The following SORCS1 variants were observed in gnomAD, a reference collection of about 807,000 sequenced individuals.
The protein encoded by SORCS1 is sortilin related VPS10 domain containing receptor 1, also known as VPS10 domain-containing receptor SorCS1.
In SORCS1, 60 loss-of-function variants were observed where a neutral mutation model predicts 146.1. That is an observed-to-expected ratio of 0.41 (90% CI 0.33 to 0.51). The LOEUF is 0.51. Ranked by LOEUF, SORCS1 falls within the 20% of genes least tolerant of loss-of-function variation. The pLI, the probability that SORCS1 is intolerant of heterozygous loss-of-function variation, is 0.21. For missense variants in SORCS1, 1,352 were observed against 1,487.6 expected (o/e 0.91, Z 1.50); for synonymous variants, 637 against 584.0 (o/e 1.09, Z -1.31).
chr10:107,157,285 G>GT (rs1350421855), intron 1 of SORCS1, among the ~76,000 whole-genome samples: 2 of 152,172 alleles, frequency 1.3e-5, no homozygotes, highest in East Asian at 3.9e-4. Flanking sequence ...GGGTGCAGCT[G>GT]TGTTCTAACT....
At chr10:107,125,521 C>G (rs1454801117) in intron 1 of SORCS1, among the ~76,000 whole-genome samples, 2 of 152,128 alleles carry the variant, frequency 1.3e-5, no homozygotes, top group Admixed American at 6.6e-5. Context: ...TTAGTGGTGG[C>G]TATACAATTT....
At chr10:106,709,443 A>T (rs903645492) in intron 6 of SORCS1, 102 bp from the exon 7 acceptor site, 49 of 234,156 alleles carry the variant, frequency 2.1e-4, no homozygotes, top group Middle Eastern at 1.3e-3. Context: ...ACCATTTCCA[A>T]TTTTTTTTTT....
At chr10:106,704,814 A>G (rs1854399858) in intron 8 of SORCS1, among the ~76,000 whole-genome samples, 1 of 152,214 alleles carries the variant, frequency 6.6e-6, no homozygotes, top group Non-Finnish European at 1.5e-5. Flanking sequence ...ATGTCATTAC[A>G]TTGAGGATAA....
intron 1 of SORCS1, among the ~76,000 whole-genome samples, chr10:107,081,886 G>A (rs1010047640): frequency 2.0e-5 from 3 of 152,036 alleles, no homozygotes; most frequent in African/African-American, 7.2e-5. Flanking sequence ...ATGAACTAGC[G>A]GGAAAGTGCT....
chr10:106,970,334 C>CTGTTTATTTTTTT (rs1955712671), intron 1 of SORCS1, among the ~76,000 whole-genome samples: 1 of 73,622 alleles, frequency 1.4e-5, no homozygotes, highest in African/African-American at 6.5e-5. Context: ...TAACCAACAT[C>CTGTTTATTTTTTT]TCTTTTTTTT....
intron 2 of SORCS1, among the ~76,000 whole-genome samples, chr10:106,940,420 G>C (rs1953978370): frequency 6.6e-6 from 1 of 152,162 alleles, no homozygotes; most frequent in Admixed American, 6.5e-5. Flanking sequence ...AAATGAAGAA[G>C]GTAGCATGTG....
At position 106,574,253 on chromosome 10, in the gene SORCS1, G is replaced by A. The variant is rs1462343876; in HGVS notation, c.*3167C>T. ...AATTAAAAATAAGGCAAGGTAGAAAGTGTTGCTTGGGTGGTTCAGGGTAGA... is the reference window on the plus strand; with the variant it reads ...AATTAAAAATAAGGCAAGGTAGAAAATGTTGCTTGGGTGGTTCAGGGTAGA... On this transcript the variant is annotated 3_prime_UTR_variant, in exon 26 of 26. Transcript: ENST00000263054. 2.0e-5 allele frequency: 3 copies of A among 152,606 alleles called. No individual in the cohort carries two copies. Among genetic ancestry groups the A allele is most frequent in the Admixed American group, 6.5e-5 (1 of 15,280 alleles). The allele number at this position is 152,606 out of a possible 1,614,324, so 9.5% of individuals were successfully genotyped here. A position where few individuals can be genotyped will look rare whatever the true frequency, so the allele number is the denominator to read the frequency against.
chr10:106,629,141 T>G, intron 19 of SORCS1, 61 bp downstream of exon 19: 1 of 1,457,790 alleles, frequency 6.9e-7, no homozygotes, highest in Admixed American at 1.9e-5. Context: ...AATTGTGAAT[T>G]CAATTTGAAA....
chr10:106,736,050 A>C (rs906424730), intron 5 of SORCS1, among the ~76,000 whole-genome samples: 39 of 152,224 alleles, frequency 2.6e-4, no homozygotes, highest in African/African-American at 9.2e-4. Flanking sequence ...GAATAAAAAC[A>C]AATCACACTC....
Position 106,574,661 on chromosome 10 carries a change from G to C in SORCS1, c.*2759C>G, listed in dbSNP as rs1025224860. The stretch of plus-strand genomic sequence containing the variant: ...TCAGTAGGTATGGGGTATGGATCCA[G>C]AATCTGGATCTCTAACTAGCCCAAG... On this transcript the variant is annotated 3_prime_UTR_variant, in exon 26 of 26. Coordinates refer to ENST00000263054, the MANE Select transcript of SORCS1 (RefSeq NM_052918.5). The C allele has an allele frequency of 1.3e-5, 2 of 152,216 alleles. No individual in the cohort carries two copies. The highest frequency in any genetic ancestry group is 4.8e-5 in the African/African-American group (2 of 41,432). The allele number at this position is 152,216 out of a possible 1,614,324, so 9.4% of individuals were successfully genotyped here. A position where few individuals can be genotyped will look rare whatever the true frequency, so the allele number is the denominator to read the frequency against.
At chr10:106,761,753 T>C (rs1859127027) in intron 4 of SORCS1, 92 bp from the exon 5 acceptor site, 1 of 1,082,272 alleles carries the variant, frequency 9.2e-7, no homozygotes, top group South Asian at 1.3e-5. Context: ...ATAATAATAA[T>C]ACCCAACATT....
chr10:106,919,828 A>G (rs1952620803), intron 2 of SORCS1, among the ~76,000 whole-genome samples: 1 of 152,180 alleles, frequency 6.6e-6, no homozygotes, highest in Non-Finnish European at 1.5e-5. Flanking sequence ...ATTTATTCCC[A>G]TTGTTTCAAT....
At chr10:107,005,752 T>C (rs969746176) in intron 1 of SORCS1, among the ~76,000 whole-genome samples, 5 of 152,232 alleles carry the variant, frequency 3.3e-5, no homozygotes, top group African/African-American at 1.2e-4. Flanking sequence ...GACCATACAA[T>C]ATTTTAAAAT....
At chr10:107,128,211 GC>G (rs1490798168) in intron 1 of SORCS1, among the ~76,000 whole-genome samples, 1 of 152,056 alleles carries the variant, frequency 6.6e-6, no homozygotes, top group Non-Finnish European at 1.5e-5. Context: ...ATAAACATAA[GC>G]CCTTCTTCCA....
chr10:106,765,001 C>A (rs1337788471), intron 4 of SORCS1, among the ~76,000 whole-genome samples: 1 of 109,644 alleles, frequency 9.1e-6, no homozygotes, highest in Non-Finnish European at 1.7e-5. Flanking sequence ...CCAGCCTGGG[C>A]AACAGAGCAA....
chr10:107,072,815 G>A (rs1214967746), intron 1 of SORCS1, among the ~76,000 whole-genome samples: 5 of 148,168 alleles, frequency 3.4e-5, no homozygotes, highest in South Asian at 4.3e-4. Flanking sequence ...GAAACTAAAC[G>A]CATATCTGAC....
chr10:107,063,206 T>C (rs960484871), intron 1 of SORCS1, among the ~76,000 whole-genome samples: 5 of 152,338 alleles, frequency 3.3e-5, no homozygotes, highest in Middle Eastern at 6.8e-3. Context: ...AGCATCAACA[T>C]GCAAGGAGTT....
intron 2 of SORCS1, among the ~76,000 whole-genome samples, chr10:106,927,673 G>A (rs1953133600): frequency 6.6e-6 from 1 of 152,152 alleles, no homozygotes. Context: ...TAGACACAAA[G>A]GTTCTCCACG....
chr10:106,858,663 G>A (rs187320064), intron 2 of SORCS1, among the ~76,000 whole-genome samples: 357 of 151,188 alleles, frequency 2.4e-3, no homozygotes, highest in Non-Finnish European at 3.8e-3. Flanking sequence ...TTGGGGTTGT[G>A]TGCAGACAGT....
Sources: allele counts gnomAD v4.1 joint callset (sites outside exome capture counted in the v4.1 genomes callset), GRCh38; gene constraint gnomAD v4.1.1; transcripts MANE v1.5; gene names NCBI Gene and HGNC (gene_info 2026-07-23, HGNC 2026-07-21).